The following PNRC1 variants were observed in gnomAD, a reference collection of about 807,000 sequenced individuals.
The protein encoded by PNRC1 is proline rich nuclear receptor coactivator 1, also known as proline-rich nuclear receptor coactivator 1.
PNRC1 carries 6 observed loss-of-function variants against 20.2 expected under a neutral mutation model. The ratio of observed to expected loss-of-function variants is 0.30; its 90% confidence interval spans 0.16 to 0.59. The LOEUF is 0.59. Ranked by LOEUF, PNRC1 falls within the 20% of genes least tolerant of loss-of-function variation. The pLI is 0.89. For synonymous variants in PNRC1, 202 were observed against 186.9 expected (o/e 1.08, Z -0.66); for missense variants, 488 against 430.2 (o/e 1.13, Z -1.19).
Position 89,080,776 on chromosome 6 carries a change from C to T in PNRC1, c.-119C>T, listed in dbSNP as rs1247198089. ...GTTGCTGCGCCGCCACCGCCCGAGT[C>T]ATGTTCCGCGATCTTCTCAGGCTCT... On this transcript the variant is annotated 5_prime_UTR_variant, in exon 1 of 2. Transcript: ENST00000336032. The T allele has an allele frequency of 7.3e-6, 7 of 955,904 alleles. No homozygotes were observed. In the East Asian group the frequency reaches 1.0e-4, roughly 14 times the overall value. The allele number at this position is 955,904 out of a possible 1,614,324, so 59.2% of individuals were successfully genotyped here. A position where few individuals can be genotyped will look rare whatever the true frequency, so the allele number is the denominator to read the frequency against.
chr6:89,081,316 C>T lies in PNRC1; in HGVS notation c.422C>T (p.Pro141Leu). ...GGCCCGAGCGGAGCGCAGGAGGTCCCGGGCCCGGCCGCCGCCTTGGCCCCG... is the reference window on the plus strand; with the variant it reads ...GGCCCGAGCGGAGCGCAGGAGGTCCTGGGCCCGGCCGCCGCCTTGGCCCCG... ...ATGPSGAQEV[P>L]GPAAALAPSP... Residue 141 changes from proline to leucine, a missense_variant, in exon 1 of 2, where the codon CCG becomes CTG. Transcript: ENST00000336032. 2.7e-6 allele frequency: 4 copies of T among 1,467,578 alleles called. No individual in the cohort carries two copies. Among genetic ancestry groups the T allele is most frequent in the East Asian group, 2.8e-5 (1 of 35,458 alleles). 90.9% of individuals were successfully genotyped at this position (1,467,578 alleles called of 1,614,324 possible). A position where few individuals can be genotyped will look rare whatever the true frequency, so the allele number is the denominator to read the frequency against.
At position 89,083,804 on chromosome 6, in the gene PNRC1, C is replaced by CAGCTT; in HGVS notation, c.593_597dup (p.Val200SerfsTer14). The CAGCTT allele has an allele frequency of 1.2e-6, 2 of 1,601,182 alleles. No individual in the cohort carries two copies. Among genetic ancestry groups the CAGCTT allele is most frequent in the Non-Finnish European group, 1.7e-6 (2 of 1,175,960 alleles). On this transcript the variant is annotated frameshift_variant, in exon 2 of 2. Coordinates refer to ENST00000336032, the MANE Select transcript of PNRC1 (RefSeq NM_006813.3). LOFTEE classifies it high-confidence loss of function. ...GGAGAAAATTGCCCTTCCCCATGGC[C>CAGCTT]AGCTTGTTCATGGTATACACTTGTA... is the stretch of plus-strand genomic sequence containing the variant.
rs753601806 is a variant in PNRC1, at chr6:89,084,200, T to A, written c.*4T>A. On this transcript the variant is annotated 3_prime_UTR_variant, in exon 2 of 2. Coordinates refer to ENST00000336032, the MANE Select transcript of PNRC1 (RefSeq NM_006813.3). ...GCTCCTCAAAGTTCAAACTTAGATT[T>A]CAGATTTCAGTATGTGTGTAAAACA... The A allele has an allele frequency of 6.0e-5, 94 of 1,562,074 alleles. 1 individual carries two copies. The South Asian group carries it at 1.1e-3, about 18-fold the overall frequency.
intron 1 of PNRC1, 76 bp from the exon 2 acceptor site, chr6:89,083,677 C>A: frequency 1.8e-6 from 2 of 1,106,402 alleles, no homozygotes; most frequent in Non-Finnish European, 2.6e-6. Context: ...CACAACAAAA[C>A]TAGATATGTG....
rs1767966749 is a variant in PNRC1, at chr6:89,080,945, C to A, written c.51C>A (p.Arg17=). ...PQREPLVLGG[R]LAPLGFSSRG... ...GGGAGCCGCTCGTCCTGGGTGGCCG[C>A]CTTGCGCCGCTTGGCTTTTCCTCCC... The change falls in exon 1 of 2, where the codon CGC becomes CGA. Residue 17 remains arginine, a synonymous_variant. Coordinates refer to ENST00000336032, the MANE Select transcript of PNRC1 (RefSeq NM_006813.3). The A allele has an allele frequency of 6.2e-7, 1 of 1,613,222 alleles. No homozygotes were observed. The highest frequency in any genetic ancestry group is 8.5e-7 in the Non-Finnish European group (1 of 1,180,018).
At chr6:89,083,005 G>T (rs1574008) in intron 1 of PNRC1, among the ~76,000 whole-genome samples, 59,938 of 149,122 alleles carry the variant, frequency 0.4, 12,478 homozygotes, top group East Asian at 0.68. Context: ...GTTTTTTGTT[G>T]TTTTTTTTTT....
At position 89,081,252 on chromosome 6, in the gene PNRC1, C is replaced by T. The variant is rs2127985377; in HGVS notation, c.358C>T (p.His120Tyr). ...CAGCCGCTTCCACCAGTACCAGCAGCACCGGCCGAGTCTGGAGGGCGGCCG... is the reference window on the plus strand; with the variant it reads ...CAGCCGCTTCCACCAGTACCAGCAGTACCGGCCGAGTCTGGAGGGCGGCCG... The part of the protein sequence containing the change: ...LPSRFHQYQQ[H>Y]RPSLEGGRSP... Residue 120 changes from histidine to tyrosine, a missense_variant, in exon 1 of 2, where the codon CAC becomes TAC. Coordinates refer to ENST00000336032, the MANE Select transcript of PNRC1 (RefSeq NM_006813.3). 4 of 1,547,318 alleles carry T rather than the reference C, an allele frequency of 2.6e-6. No homozygotes were observed. The highest frequency in any genetic ancestry group is 2.3e-5 in the South Asian group (2 of 85,452).
rs552101317 is a variant in PNRC1 at position 89,083,191 on chromosome 6, G to T, written c.541-562G>T. Among the ~76,000 whole-genome samples the T allele has an allele frequency of 3.3e-5, 5 of 152,256 alleles. No homozygotes were observed. In the South Asian group the frequency reaches 1.0e-3, roughly 32 times the overall value. On this transcript the variant is annotated intron_variant, in intron 1 of 1. Transcript: ENST00000336032. ...ATATTTGTAGTAGACATGGGGTTTC[G>T]CTATGTTGCCCAGGCTGGTCTCGAA...
chr6:89,081,389 C>G lies in PNRC1; in HGVS notation c.495C>G (p.Ala165=). ...AGTEGASPDL[A]PLRPAAPGQT... is the part of the protein sequence containing the mutation. ...CGGAGGGAGCCAGCCCCGACCTTGC[C>G]CCGCTGCGGCCCGCGGCTCCCGGCC... Residue 165 remains alanine, a synonymous_variant, in exon 1 of 2, where the codon GCC becomes GCG. Coordinates refer to ENST00000336032, the MANE Select transcript of PNRC1 (RefSeq NM_006813.3). 9 of 1,356,202 alleles carry G rather than the reference C, an allele frequency of 6.6e-6. No individual in the cohort carries two copies. The highest frequency in any genetic ancestry group is 8.5e-6 in the Non-Finnish European group (9 of 1,062,588). The allele number at this position is 1,356,202 out of a possible 1,614,324, so 84.0% of individuals were successfully genotyped here.
Position 89,081,262 on chromosome 6 carries a change from G to C in PNRC1, c.368G>C (p.Ser123Thr). ...RFHQYQQHRPSLEGGRSPATG... is the reference protein window; with the variant it reads ...RFHQYQQHRPTLEGGRSPATG... ...CACCAGTACCAGCAGCACCGGCCGA[G>C]TCTGGAGGGCGGCCGGAGCCCCGCG... Residue 123 changes from serine (S) to threonine (T), a missense_variant, in exon 1 of 2, where the codon AGT (serine) becomes ACT (threonine). Transcript: ENST00000336032. The C allele has an allele frequency of 6.5e-7, 1 of 1,536,424 alleles. No homozygotes were observed. Among genetic ancestry groups the C allele is most frequent in the Non-Finnish European group, 8.7e-7 (1 of 1,150,710 alleles).
Position 89,083,908 on chromosome 6 carries a change from A to T in PNRC1, c.696A>T (p.Glu232Asp). Reference sequence around the variant, plus strand: ...AGATCACCTCTGCAAAAAGAAATGAAAACAACTTTTGGCAGGATTCTGTTT... The same window carrying T: ...AGATCACCTCTGCAAAAAGAAATGATAACAACTTTTGGCAGGATTCTGTTT... ...LTKITSAKRN[E>D]NNFWQDSVSS... The change falls in exon 2 of 2, where the codon GAA (glutamate) becomes GAT (aspartate). Residue 232 changes from glutamate (E) to aspartate (D), a missense_variant. Physicochemically the swap from Glu to Asp is conservative, Grantham distance 45. Transcript: ENST00000336032. 6.2e-7 allele frequency: 1 copy of T among 1,614,160 alleles called. No homozygotes were observed. The highest frequency in any genetic ancestry group is 8.5e-7 in the Non-Finnish European group (1 of 1,180,026).
Position 89,081,296 on chromosome 6 carries a change from G to C in PNRC1, c.402G>C (p.Pro134=), listed in dbSNP as rs1216344055. Residue 134 remains proline (P), a synonymous_variant, in exon 1 of 2, where the codon CCG becomes CCC. Transcript: ENST00000336032. ...LEGGRSPATG[P]SGAQEVPGPA... ...GCGGCCGGAGCCCCGCGACCGGCCC[G>C]AGCGGAGCGCAGGAGGTCCCGGGCC... 2 of 1,508,920 alleles carry C rather than the reference G, an allele frequency of 1.3e-6. No homozygotes were observed. The highest frequency in any genetic ancestry group is 1.8e-6 in the Non-Finnish European group (2 of 1,138,312). The allele number at this position is 1,508,920 out of a possible 1,614,324, so 93.5% of individuals were successfully genotyped here. A position where few individuals can be genotyped will look rare whatever the true frequency, so the allele number is the denominator to read the frequency against.
In PNRC1 at chr6:89,081,432, G is replaced by T; in HGVS notation, c.538G>T (p.Glu180Ter). ...TCCCGGCCAAACCCCCCTCAGGAAA[G>T]AGGTGAGGCCGCCAGGGGGCCGTTG... ...AAPGQTPLRK[E>*]VLKSKMGKSE... The change falls in exon 1 of 2, where the codon GAG (glutamate) becomes TAG (stop). Residue 180 changes from glutamate (E) to a stop codon, truncating the protein, a stop_gained and splice_region_variant. Transcript: ENST00000336032. LOFTEE classifies it high-confidence loss of function. The T allele has an allele frequency of 7.6e-7, 1 of 1,319,828 alleles. No homozygotes were observed. The highest frequency in any genetic ancestry group is 9.6e-7 in the Non-Finnish European group (1 of 1,040,284). The allele number at this position is 1,319,828 out of a possible 1,614,324, so 81.8% of individuals were successfully genotyped here. A position where few individuals can be genotyped will look rare whatever the true frequency, so the allele number is the denominator to read the frequency against.
Position 89,084,213 on chromosome 6 carries a change from T to G in PNRC1, c.*17T>G. On this transcript the variant is annotated 3_prime_UTR_variant, in exon 2 of 2. Coordinates refer to ENST00000336032, the MANE Select transcript of PNRC1 (RefSeq NM_006813.3). ...CAAACTTAGATTTCAGATTTCAGTA[T>G]GTGTGTAAAACATAATTTTTCCCAT... 9 of 1,537,294 alleles carry G rather than the reference T, an allele frequency of 5.9e-6. No individual in the cohort carries two copies. Among genetic ancestry groups the G allele is most frequent in the Non-Finnish European group, 7.9e-6 (9 of 1,136,892 alleles).
Position 89,083,795 on chromosome 6 carries a change from C to T in PNRC1, c.583C>T (p.Pro195Ser). 6.3e-7 allele frequency: 1 copy of T among 1,592,406 alleles called. No homozygotes were observed. Among genetic ancestry groups the T allele is most frequent in the Non-Finnish European group, 8.5e-7 (1 of 1,172,552 alleles). The change falls in exon 2 of 2, where the codon CCC becomes TCC. Residue 195 changes from proline to serine, a missense_variant. Coordinates refer to ENST00000336032, the MANE Select transcript of PNRC1 (RefSeq NM_006813.3). ...KMGKSEKIAL[P>S]HGQLVHGIHL... ...GGGAAAATCGGAGAAAATTGCCCTT[C>T]CCCATGGCCAGCTTGTTCATGGTAT...
intron 1 of PNRC1, chr6:89,081,708 A>G: frequency 4.0e-6 from 1 of 250,890 alleles, no homozygotes; most frequent in African/African-American, 2.3e-5. Context: ...CCCGATTTAG[A>G]AGGCTGGCGG....
chr6:89,084,878 A>C lies in PNRC1; in HGVS notation c.*682A>C, dbSNP rs940231946. On this transcript the variant is annotated 3_prime_UTR_variant, in exon 2 of 2. Coordinates refer to ENST00000336032, the MANE Select transcript of PNRC1 (RefSeq NM_006813.3). ...TGTGTGTGACTGTTTCTCATGTTTG[A>C]ATGTGTGACTAGGAGATGATTTTGT... 2 of 152,170 alleles carry C rather than the reference A, an allele frequency of 1.3e-5. No homozygotes were observed. The highest frequency in any genetic ancestry group is 4.8e-5 in the African/African-American group (2 of 41,430). The allele number at this position is 152,170 out of a possible 1,614,324, so 9.4% of individuals were successfully genotyped here.
chr6:89,080,890 G>C lies in PNRC1; in HGVS notation c.-5G>C, dbSNP rs748629618. ...TCGTTGCTGAGCGACAAGCTTCCTA[G>C]CGCTATGACTGTCGTCTCCGTCCCG... is the stretch of plus-strand genomic sequence containing the variant. On this transcript the variant is annotated 5_prime_UTR_variant, in exon 1 of 2. Transcript: ENST00000336032. 8 of 1,609,390 alleles carry C rather than the reference G, an allele frequency of 5.0e-6. No homozygotes were observed. In the African/African-American group the frequency reaches 8.0e-5, roughly 16 times the overall value.
In PNRC1 at chr6:89,084,209, A is replaced by T; in HGVS notation, c.*13A>T. 3.2e-6 allele frequency: 5 copies of T among 1,545,714 alleles called. No homozygotes were observed. The highest frequency in any genetic ancestry group is 4.4e-6 in the Non-Finnish European group (5 of 1,142,586). The stretch of plus-strand genomic sequence containing the variant: ...AGTTCAAACTTAGATTTCAGATTTC[A>T]GTATGTGTGTAAAACATAATTTTTC... On this transcript the variant is annotated 3_prime_UTR_variant, in exon 2 of 2. Coordinates refer to ENST00000336032, the MANE Select transcript of PNRC1 (RefSeq NM_006813.3).
Sources: allele counts gnomAD v4.1 joint callset (sites outside exome capture counted in the v4.1 genomes callset), GRCh38; gene constraint gnomAD v4.1.1; transcripts MANE v1.5; gene names NCBI Gene and HGNC (gene_info 2026-07-23, HGNC 2026-07-21).